SND1: variants seen among roughly 807,000 people sequenced by gnomAD.
SND1 encodes staphylococcal nuclease and tudor domain containing 1, also known as staphylococcal nuclease domain-containing protein 1.
Under a neutral mutation model 121.7 loss-of-function variants are expected in SND1, and 38 were observed. That is an observed-to-expected ratio of 0.31 (90% CI 0.24 to 0.41). The LOEUF is 0.41. Among genes scored for constraint, SND1 ranks in the 10% least tolerant of loss-of-function variants. The probability of loss-of-function intolerance (pLI) is 1.00; values close to 1 mark genes in which losing one functional copy is unlikely to be tolerated. For missense variants in SND1, 868 were observed against 1,184.6 expected, an observed-to-expected ratio of 0.73 and a Z score of 3.92; for synonymous variants, 401 against 447.4, an observed-to-expected ratio of 0.90 and a Z score of 1.31.
intron 2 of SND1, among the ~76,000 whole-genome samples, chr7:127,689,439 T>A (rs1486552964): frequency 6.6e-6 from 1 of 152,192 alleles, no homozygotes; most frequent in Non-Finnish European, 1.5e-5. Flanking sequence ...GAAGAACTAG[T>A]GTAGCCTCTA....
intron 1 of SND1, among the ~76,000 whole-genome samples, chr7:127,655,228 T>C (rs563691715): frequency 3.4e-4 from 52 of 152,348 alleles, no homozygotes; most frequent in African/African-American, 1.2e-3. Flanking sequence ...AAGAAAGTGT[T>C]GCAGGGCCGT....
chr7:128,012,904 C>T (rs1243903716), intron 16 of SND1, among the ~76,000 whole-genome samples: 1 of 152,128 alleles, frequency 6.6e-6, no homozygotes, highest in Non-Finnish European at 1.5e-5. Context: ...TATGGACTGC[C>T]CAGGTCACTC....
intron 16 of SND1, among the ~76,000 whole-genome samples, chr7:128,031,848 C>T (rs1792623720): frequency 6.7e-6 from 1 of 150,276 alleles, no homozygotes. Context: ...AGCGAGTTCG[C>T]GGCTTCGGCT....
At chr7:127,940,246 A>G (rs1249788663) in intron 15 of SND1, among the ~76,000 whole-genome samples, 1 of 152,140 alleles carries the variant, frequency 6.6e-6, no homozygotes, top group East Asian at 1.9e-4. Flanking sequence ...GGTTGTGCCT[A>G]AATGCCTCAG....
At chr7:127,834,736 C>T (rs1387380506) in intron 11 of SND1, among the ~76,000 whole-genome samples, 1 of 152,092 alleles carries the variant, frequency 6.6e-6, no homozygotes. Flanking sequence ...TAGTCATTGG[C>T]GTGTATTCCT....
At chr7:127,985,247 G>A (rs778574958) in intron 15 of SND1, among the ~76,000 whole-genome samples, 2 of 152,178 alleles carry the variant, frequency 1.3e-5, no homozygotes, top group Non-Finnish European at 2.9e-5. Flanking sequence ...CCGTGATTGA[G>A]TTGTCCACTA....
chr7:127,921,693 A>T (rs1358120362), intron 14 of SND1, among the ~76,000 whole-genome samples: 1 of 152,196 alleles, frequency 6.6e-6, no homozygotes, highest in African/African-American at 2.4e-5. Context: ...TAGTCAAGAT[A>T]TTAGAGCTGT....
chr7:127,894,680 A>T (rs931108423), intron 13 of SND1, among the ~76,000 whole-genome samples: 10 of 152,152 alleles, frequency 6.6e-5, no homozygotes, highest in Non-Finnish European at 2.9e-5. Flanking sequence ...GATATATCCT[A>T]TCACAGAGTG....
Position 127,701,286 on chromosome 7 carries a change from G to A in SND1, c.552G>A (p.Arg184=), listed in dbSNP as rs1796095780. The change falls in exon 5 of 24, where the codon AGG becomes AGA. Residue 184 remains arginine, a synonymous_variant. Transcript: ENST00000354725. ...TCAAGTATACCATTGAAAACCCAAGGCACTTTGTGGACTCACACCACCAGA... is the reference window on the plus strand; with the variant it reads ...TCAAGTATACCATTGAAAACCCAAGACACTTTGTGGACTCACACCACCAGA... ...RDLKYTIENP[R]HFVDSHHQKP... 1 of 1,614,030 alleles carries A rather than the reference G, an allele frequency of 6.2e-7. No homozygotes were observed.
chr7:127,752,755 A>G (rs1584547497), intron 10 of SND1, among the ~76,000 whole-genome samples: 1 of 152,230 alleles, frequency 6.6e-6, no homozygotes, highest in East Asian at 1.9e-4. Context: ...TTTATTTTCA[A>G]ATGCTGAAAT....
chr7:127,944,556 C>A (rs1263100519), intron 15 of SND1, among the ~76,000 whole-genome samples: 1 of 152,152 alleles, frequency 6.6e-6, no homozygotes, highest in African/African-American at 2.4e-5. Context: ...TAAACTGAGT[C>A]ATTAATAATA....
intron 16 of SND1, chr7:128,030,741 C>G: frequency 7.1e-7 from 1 of 1,411,012 alleles, no homozygotes; most frequent in Non-Finnish European, 9.5e-7. Flanking sequence ...CTCTTTCCAT[C>G]TGGAGAAGGA....
chr7:127,806,278 G>A lies in SND1; in HGVS notation c.1153-1206G>A, dbSNP rs534278587. 4.6e-5 allele frequency among the ~76,000 whole-genome samples: 7 copies of A among 152,136 alleles called. No homozygotes were observed. The South Asian group carries it at 1.0e-3, about 23-fold the overall frequency. On this transcript the variant is annotated intron_variant, in intron 10 of 23. Transcript: ENST00000354725. The stretch of plus-strand genomic sequence containing the variant: ...CCTTTCTACACCATTGTCAGTTCCC[G>A]TTAATTCATTTCTTCAAGTGGTTCT...
chr7:128,033,201 T>C (rs1230773698), intron 16 of SND1, among the ~76,000 whole-genome samples: 2 of 152,142 alleles, frequency 1.3e-5, no homozygotes, highest in Non-Finnish European at 2.9e-5. Flanking sequence ...CTTGCTCCTA[T>C]TTCTGGTAGG....
intron 15 of SND1, among the ~76,000 whole-genome samples, chr7:127,946,003 A>G (rs531131413): frequency 2.0e-5 from 3 of 152,242 alleles, no homozygotes; most frequent in Non-Finnish European, 2.9e-5. Context: ...GACCTTTCCA[A>G]TCTTCCCTCC....
At chr7:127,726,816 ACCCAATC>A (rs2116401070) in intron 10 of SND1, among the ~76,000 whole-genome samples, 1 of 152,304 alleles carries the variant, frequency 6.6e-6, no homozygotes, top group South Asian at 2.1e-4. Flanking sequence ...TACATAATTT[ACCCAATC>A]CCCAGGTGTA....
At chr7:127,850,998 C>G (rs1012095882) in intron 12 of SND1, among the ~76,000 whole-genome samples, 2 of 152,198 alleles carry the variant, frequency 1.3e-5, no homozygotes, top group African/African-American at 4.8e-5. Context: ...TCAGACAAAT[C>G]TGTCTCTTTT....
chr7:127,914,768 G>A (rs1190195190), intron 14 of SND1, among the ~76,000 whole-genome samples: 2 of 152,152 alleles, frequency 1.3e-5, no homozygotes, highest in African/African-American at 4.8e-5. Flanking sequence ...TGGCAGTATG[G>A]GGTCATGATT....
chr7:127,708,740 C>G (rs764285100), intron 9 of SND1, among the ~76,000 whole-genome samples: 5 of 152,176 alleles, frequency 3.3e-5, no homozygotes, highest in Non-Finnish European at 7.3e-5. Flanking sequence ...AGTAGTAGAC[C>G]TGCTCTCTGT....
Sources: allele counts gnomAD v4.1 joint callset (sites outside exome capture counted in the v4.1 genomes callset), GRCh38; gene constraint gnomAD v4.1.1; transcripts MANE v1.5; gene names NCBI Gene and HGNC (gene_info 2026-07-23, HGNC 2026-07-21).